The following ADARB2 variants were observed in gnomAD, a reference collection of about 807,000 sequenced individuals.
The protein encoded by ADARB2 is inactive double-stranded RNA-specific editase B2.
Under a neutral mutation model 62.2 loss-of-function variants are expected in ADARB2, and 25 were observed. The observed-to-expected ratio is 0.40, with a 90% confidence interval of 0.29 to 0.56. The LOEUF (loss-of-function observed/expected upper bound fraction) is 0.56, where lower values mean the gene tolerates loss of function less well. ADARB2 is among the 20% of genes least tolerant of loss of function. ADARB2 has a pLI of 0.43. For missense variants in ADARB2, 1,071 were observed against 1,077.4 expected (o/e 0.99, Z 0.08); for synonymous variants, 572 against 500.8 (o/e 1.14, Z -1.90).
At chr10:1,590,727 G>C (rs1452053283) in intron 1 of ADARB2, among the ~76,000 whole-genome samples, 1 of 152,230 alleles carries the variant, frequency 6.6e-6, no homozygotes, top group Non-Finnish European at 1.5e-5. Context: ...GAGCAGAAGG[G>C]TGGTTGCCAG....
chr10:1,552,508 T>A (rs2676763), intron 1 of ADARB2, among the ~76,000 whole-genome samples: 1 of 152,152 alleles, frequency 6.6e-6, no homozygotes, highest in Admixed American at 6.5e-5. Flanking sequence ...CTGTCCTGCC[T>A]GGCACTCAGT....
At chr10:1,545,733 C>A (rs1306236741) in intron 1 of ADARB2, among the ~76,000 whole-genome samples, 1 of 152,164 alleles carries the variant, frequency 6.6e-6, no homozygotes, top group Non-Finnish European at 1.5e-5. Flanking sequence ...TGAAAAGCAA[C>A]AAGGAAGCCC....
chr10:1,240,767 T>C (rs1277926039), intron 5 of ADARB2, among the ~76,000 whole-genome samples: 1 of 152,192 alleles, frequency 6.6e-6, no homozygotes, highest in African/African-American at 2.4e-5. Context: ...CTGGTAAATA[T>C]TGGTCCAGTT....
rs965252328 is a variant in ADARB2, at chr10:1,177,710, T to G, written c.*5483A>C. ...TTAGGGAATGCTCATCCCTCCAACCTTGGCTTAGGATGATGAGTTGGGAAA... is the reference window on the plus strand; with the variant it reads ...TTAGGGAATGCTCATCCCTCCAACCGTGGCTTAGGATGATGAGTTGGGAAA... On this transcript the variant is annotated 3_prime_UTR_variant, in exon 10 of 10. Transcript: ENST00000381312. 1 of 152,234 alleles carries G rather than the reference T, an allele frequency of 6.6e-6. No homozygotes were observed. The highest frequency in any genetic ancestry group is 1.5e-5 in the Non-Finnish European group (1 of 68,042). 9.4% of individuals were successfully genotyped at this position (152,234 alleles called of 1,614,324 possible). A position where few individuals can be genotyped will look rare whatever the true frequency, so the allele number is the denominator to read the frequency against.
chr10:1,688,654 C>T (rs1267795758), intron 1 of ADARB2, among the ~76,000 whole-genome samples: 1 of 152,136 alleles, frequency 6.6e-6, no homozygotes, highest in Non-Finnish European at 1.5e-5. Flanking sequence ...TCATCCAACC[C>T]CCTCCTGCAA....
intron 1 of ADARB2, among the ~76,000 whole-genome samples, chr10:1,584,468 A>G (rs1451849362): frequency 6.6e-6 from 1 of 152,242 alleles, no homozygotes; most frequent in Non-Finnish European, 1.5e-5. Flanking sequence ...GTGGAGCAGC[A>G]GGAACTCCCA....
intron 3 of ADARB2, among the ~76,000 whole-genome samples, chr10:1,272,788 C>T (rs1020871173): frequency 1.1e-4 from 17 of 152,194 alleles, no homozygotes; most frequent in Admixed American, 6.5e-4. Flanking sequence ...CTGGACACCC[C>T]GTGTGCTGTG....
At chr10:1,498,657 T>G (rs1334911083) in intron 1 of ADARB2, among the ~76,000 whole-genome samples, 1 of 152,212 alleles carries the variant, frequency 6.6e-6, no homozygotes, top group Non-Finnish European at 1.5e-5. Flanking sequence ...ACATGACACA[T>G]GCAGTAACAT....
At chr10:1,373,838 A>T (rs907312375) in intron 2 of ADARB2, among the ~76,000 whole-genome samples, 1 of 151,510 alleles carries the variant, frequency 6.6e-6, no homozygotes, top group African/African-American at 2.4e-5. Flanking sequence ...CACCCTTCCT[A>T]GTGAAACCGC....
intron 1 of ADARB2, among the ~76,000 whole-genome samples, chr10:1,640,822 T>A (rs1225636566): frequency 2.0e-5 from 3 of 152,182 alleles, no homozygotes; most frequent in Non-Finnish European, 4.4e-5. Flanking sequence ...AGGAGACCAA[T>A]GGTAAATGGT....
intron 3 of ADARB2, among the ~76,000 whole-genome samples, chr10:1,348,396 C>T (rs1832101526): frequency 1.3e-5 from 2 of 152,150 alleles, no homozygotes; most frequent in Admixed American, 1.3e-4. Flanking sequence ...GCTGCTGCTG[C>T]CACTCCTGGG....
intron 1 of ADARB2, among the ~76,000 whole-genome samples, chr10:1,516,519 C>T (rs1358584475): frequency 2.0e-5 from 3 of 151,278 alleles, no homozygotes; most frequent in South Asian, 2.1e-4. Context: ...GCGGGCTGCT[C>T]TGTGCTGTGT....
chr10:1,390,859 T>G (rs1370848319), intron 1 of ADARB2, among the ~76,000 whole-genome samples: 2 of 152,212 alleles, frequency 1.3e-5, no homozygotes, highest in African/African-American at 4.8e-5. Context: ...ATCAGAACTG[T>G]GAGCCTCAGG....
intron 3 of ADARB2, among the ~76,000 whole-genome samples, chr10:1,355,044 T>A (rs1588229503): frequency 6.6e-6 from 1 of 152,154 alleles, no homozygotes; most frequent in East Asian, 1.9e-4. Flanking sequence ...GAGGCTCCCA[T>A]GTGTTCAGGA....
chr10:1,281,491 G>T (rs1210599801), intron 3 of ADARB2, among the ~76,000 whole-genome samples: 1 of 152,260 alleles, frequency 6.6e-6, no homozygotes, highest in Non-Finnish European at 1.5e-5. Context: ...CCAATGGAAA[G>T]ATATGGATTG....
intron 1 of ADARB2, among the ~76,000 whole-genome samples, chr10:1,606,881 C>T (rs1392621948): frequency 2.0e-5 from 3 of 152,172 alleles, no homozygotes; most frequent in Non-Finnish European, 2.9e-5. Flanking sequence ...AGTGAAACGG[C>T]CTGTGCTGTT....
intron 1 of ADARB2, among the ~76,000 whole-genome samples, chr10:1,695,667 G>A (rs1834730633): frequency 6.6e-6 from 1 of 152,148 alleles, no homozygotes; most frequent in African/African-American, 2.4e-5. Context: ...GAGAGCGTAT[G>A]TGCATGTATG....
At chr10:1,700,378 A>C (rs1293776985) in intron 1 of ADARB2, among the ~76,000 whole-genome samples, 50 of 5,462 alleles carry the variant, frequency 9.2e-3, no homozygotes, top group African/African-American at 0.012. Flanking sequence ...GGCGCTCGCC[A>C]ATACACTCAA....
chr10:1,571,989 G>C (rs1462544028), intron 1 of ADARB2, among the ~76,000 whole-genome samples: 1 of 143,012 alleles, frequency 7.0e-6, no homozygotes, highest in Non-Finnish European at 1.5e-5. Context: ...GCTGGTGAGT[G>C]TGCAGGTGAG....
Sources: gnomAD v4.1 joint callset for allele counts (sites outside exome capture counted in the v4.1 genomes callset) on GRCh38, gnomAD v4.1.1 for gene constraint, MANE v1.5 for transcripts, NCBI Gene and HGNC (gene_info 2026-07-23, HGNC 2026-07-21) for gene names.